DGKB: variants seen among roughly 807,000 people sequenced by gnomAD.
DGKB encodes the protein diacylglycerol kinase beta.
Under a neutral mutation model 114.3 loss-of-function variants are expected in DGKB, and 67 were observed. The ratio of observed to expected loss-of-function variants is 0.59; its 90% CI spans 0.48 to 0.72. The LOEUF is 0.72. DGKB is among the 30% of genes least tolerant of loss of function. The pLI, the probability that DGKB is intolerant of heterozygous loss-of-function variation, is 0.00. For synonymous variants in DGKB, 398 were observed against 323.1 expected, an observed-to-expected ratio of 1.23 and a Z score of -2.49; for missense variants, 907 against 975.2, an observed-to-expected ratio of 0.93 and a Z score of 0.93.
intron 5 of DGKB, among the ~76,000 whole-genome samples, chr7:14,726,365 C>A (rs1173111454): frequency 6.6e-6 from 1 of 151,934 alleles, no homozygotes; most frequent in African/African-American, 2.4e-5. Flanking sequence ...GTTTCTAACT[C>A]CTGACCTCAG....
intron 17 of DGKB, among the ~76,000 whole-genome samples, chr7:14,595,884 A>C (rs1399581820): frequency 6.6e-6 from 1 of 152,134 alleles, no homozygotes; most frequent in African/African-American, 2.4e-5. Flanking sequence ...CATCATTGAT[A>C]AAGTAAATTT....
chr7:14,922,763 T>C (rs977211707), intron 1 of DGKB, among the ~76,000 whole-genome samples: 1 of 152,146 alleles, frequency 6.6e-6, no homozygotes. Context: ...ATTTATGAGA[T>C]ACAGTGTTAT....
chr7:14,530,497 A>G (rs1396774892), intron 20 of DGKB, among the ~76,000 whole-genome samples: 2 of 151,536 alleles, frequency 1.3e-5, no homozygotes, highest in African/African-American at 2.4e-5. Context: ...TATAACCTTC[A>G]ATTTAAAATT....
chr7:14,348,704 T>C (rs768163870), intron 21 of DGKB, among the ~76,000 whole-genome samples: 3 of 151,408 alleles, frequency 2.0e-5, no homozygotes, highest in Admixed American at 1.3e-4. Flanking sequence ...ATAAATTGAG[T>C]TTCTAAATGA....
chr7:14,155,198 C>A (rs192325950), intron 25 of DGKB, among the ~76,000 whole-genome samples: 86 of 152,158 alleles, frequency 5.7e-4, no homozygotes, highest in African/African-American at 2.0e-3. Context: ...AATGAAAGTC[C>A]CTTTTTCTAG....
At chr7:14,476,755 ATTT>A (rs11386744) in intron 21 of DGKB, among the ~76,000 whole-genome samples, 7 of 135,348 alleles carry the variant, frequency 5.2e-5, no homozygotes, top group East Asian at 2.2e-4. Context: ...TACTAAAAAC[ATTT>A]TTTTTTTTTT....
At chr7:14,260,993 T>C (rs1796695904) in intron 23 of DGKB, among the ~76,000 whole-genome samples, 1 of 152,148 alleles carries the variant, frequency 6.6e-6, no homozygotes, top group African/African-American at 2.4e-5. Context: ...TCACTAAGTG[T>C]GTCTAGTAGC....
rs74721348 is a variant in DGKB, at chr7:14,218,568, T to C, written c.2123-40417A>G. ...CCAAATGCTAATGGAAATGAATACC[T>C]GATCTGCTTTGAAAGTGAATCCTGC... On this transcript the variant is annotated intron_variant, in intron 23 of 25. Transcript: ENST00000402815. Among the ~76,000 whole-genome samples the C allele has an allele frequency of 5.4e-3, 827 of 152,118 alleles. 12 individuals carry two copies. Among genetic ancestry groups the C allele is most frequent in the African/African-American group, 0.018 (741 of 41,536 alleles).
intron 2 of DGKB, among the ~76,000 whole-genome samples, chr7:14,812,749 G>A (rs777637165): frequency 4.9e-4 from 74 of 152,026 alleles, no homozygotes; most frequent in Non-Finnish European, 1.8e-4. Flanking sequence ...GCTCCCACAC[G>A]TGAACTATTC....
chr7:14,860,978 T>A (rs1215651071), intron 1 of DGKB, among the ~76,000 whole-genome samples: 1 of 152,100 alleles, frequency 6.6e-6, no homozygotes, highest in Non-Finnish European at 1.5e-5. Flanking sequence ...CCACACTATA[T>A]CCCTGGCAAT....
chr7:14,256,736 T>C (rs972383105), intron 23 of DGKB, among the ~76,000 whole-genome samples: 4 of 152,048 alleles, frequency 2.6e-5, no homozygotes, highest in Admixed American at 2.0e-4. Context: ...CAAATATGCA[T>C]TGAAGGTATA....
intron 21 of DGKB, among the ~76,000 whole-genome samples, chr7:14,422,141 T>C (rs959297910): frequency 6.6e-6 from 1 of 152,090 alleles, no homozygotes; most frequent in African/African-American, 2.4e-5. Flanking sequence ...TTCAGTTCCA[T>C]TAACCTAAAA....
intron 25 of DGKB, among the ~76,000 whole-genome samples, chr7:14,156,224 G>A (rs762978225): frequency 6.6e-6 from 1 of 152,034 alleles, no homozygotes; most frequent in Non-Finnish European, 1.5e-5. Flanking sequence ...TTGGTACAAT[G>A]GTCTGTATGT....
chr7:14,469,781 AAAGC>A (rs779890757), intron 21 of DGKB, among the ~76,000 whole-genome samples: 23 of 152,056 alleles, frequency 1.5e-4, no homozygotes, highest in Non-Finnish European at 1.3e-4. Context: ...AATTATTTTA[AAAGC>A]TTTACATTAG....
intron 13 of DGKB, among the ~76,000 whole-genome samples, chr7:14,659,535 T>C (rs1025661515): frequency 6.7e-6 from 1 of 149,192 alleles, no homozygotes; most frequent in African/African-American, 2.5e-5. Flanking sequence ...TCTCTGTTTG[T>C]CTGTTATTGG....
intron 13 of DGKB, among the ~76,000 whole-genome samples, chr7:14,639,099 C>G (rs1329405704): frequency 6.6e-6 from 1 of 151,850 alleles, no homozygotes; most frequent in South Asian, 2.1e-4. Context: ...GCATTTCGAT[C>G]TAGATGTATG....
chr7:14,414,699 C>G (rs565327776), intron 21 of DGKB, among the ~76,000 whole-genome samples: 1 of 152,154 alleles, frequency 6.6e-6, no homozygotes, highest in African/African-American at 2.4e-5. Flanking sequence ...ATAACATTAT[C>G]AAACTTTTTT....
At chr7:14,952,380 G>A (rs868418045) in intron 1 of DGKB, among the ~76,000 whole-genome samples, 1 of 151,946 alleles carries the variant, frequency 6.6e-6, no homozygotes, top group Non-Finnish European at 1.5e-5. Flanking sequence ...TGGATCGAAT[G>A]ACTTAATATT....
chr7:14,269,730 A>G (rs1798014609), intron 23 of DGKB, among the ~76,000 whole-genome samples: 1 of 152,168 alleles, frequency 6.6e-6, no homozygotes, highest in African/African-American at 2.4e-5. Flanking sequence ...GAAACTTCCT[A>G]TTTCAATTCA....
Sources: gnomAD v4.1 joint callset for allele counts (sites outside exome capture counted in the v4.1 genomes callset) on GRCh38, gnomAD v4.1.1 for gene constraint, MANE v1.5 for transcripts, NCBI Gene and HGNC (gene_info 2026-07-23, HGNC 2026-07-21) for gene names.